LRBA: variants seen among roughly 807,000 people sequenced by gnomAD.
The protein encoded by LRBA is LPS responsive beige-like anchor protein, also known as lipopolysaccharide-responsive and beige-like anchor protein.
Under a neutral mutation model 330.0 loss-of-function variants are expected in LRBA, and 176 were observed. The ratio of observed to expected loss-of-function variants is 0.53; its 90% confidence interval spans 0.47 to 0.60. LRBA has a LOEUF of 0.60. Among genes scored for constraint, LRBA ranks in the 20% least tolerant of loss-of-function variants. LRBA has a pLI of 0.00. For synonymous variants in LRBA, 1,230 were observed against 1,193.0 expected, an observed-to-expected ratio of 1.03 and a Z score of -0.64; for missense variants, 3,259 against 3,444.8, an observed-to-expected ratio of 0.95 and a Z score of 1.35.
chr4:150,845,094 C>G (rs1749661196), intron 26 of LRBA, among the ~76,000 whole-genome samples: 1 of 152,064 alleles, frequency 6.6e-6, no homozygotes, highest in African/African-American at 2.4e-5. Flanking sequence ...CTCAACTAAG[C>G]TAGCTGGGAC....
chr4:150,322,492 A>C (rs1291997351), intron 49 of LRBA, among the ~76,000 whole-genome samples: 1 of 152,238 alleles, frequency 6.6e-6, no homozygotes, highest in Non-Finnish European at 1.5e-5. Flanking sequence ...TCCTTCTGCC[A>C]TATTTCAAAA....
At chr4:150,686,047 A>G (rs1783597733) in intron 36 of LRBA, among the ~76,000 whole-genome samples, 1 of 152,224 alleles carries the variant, frequency 6.6e-6, no homozygotes, top group Non-Finnish European at 1.5e-5. Context: ...AATAAAAACC[A>G]GGTTACGGTA....
chr4:150,777,550 C>T (rs540085350), intron 34 of LRBA, among the ~76,000 whole-genome samples: 1 of 151,980 alleles, frequency 6.6e-6, no homozygotes, highest in Admixed American at 6.6e-5. Flanking sequence ...ATGGATGTAC[C>T]TCCAATTACC....
At chr4:150,823,864 G>A (rs1745834348) in intron 30 of LRBA, among the ~76,000 whole-genome samples, 1 of 151,728 alleles carries the variant, frequency 6.6e-6, no homozygotes, top group Admixed American at 6.6e-5. Context: ...TAGCTCTGTA[G>A]TATAATTTGA....
At chr4:150,793,745 T>C (rs963318063) in intron 34 of LRBA, among the ~76,000 whole-genome samples, 1 of 152,146 alleles carries the variant, frequency 6.6e-6, no homozygotes, top group Non-Finnish European at 1.5e-5. Context: ...CGTAGAGTTG[T>C]AGGGAAGAGA....
At chr4:150,969,066 A>T (rs1739227341) in intron 2 of LRBA, among the ~76,000 whole-genome samples, 1 of 152,200 alleles carries the variant, frequency 6.6e-6, no homozygotes, top group Non-Finnish European at 1.5e-5. Context: ...GTTGAGACTC[A>T]CTGCTCGGAA....
At chr4:150,369,825 A>C (rs1204531684) in intron 47 of LRBA, among the ~76,000 whole-genome samples, 1 of 152,130 alleles carries the variant, frequency 6.6e-6, no homozygotes, top group Non-Finnish European at 1.5e-5. Flanking sequence ...ACTGTCCTCC[A>C]TGCCTTTATA....
chr4:150,784,194 C>A (rs1438761190), intron 34 of LRBA, among the ~76,000 whole-genome samples: 1 of 152,110 alleles, frequency 6.6e-6, no homozygotes, highest in African/African-American at 2.4e-5. Flanking sequence ...ATATCTATAG[C>A]CTCATATACT....
At chr4:150,904,677 A>G (rs1731122320) in intron 13 of LRBA, among the ~76,000 whole-genome samples, 1 of 152,160 alleles carries the variant, frequency 6.6e-6, no homozygotes. Flanking sequence ...AACAATCCTC[A>G]AAAAGAAGTA....
intron 51 of LRBA, among the ~76,000 whole-genome samples, chr4:150,312,382 A>G (rs552890012): frequency 7.9e-5 from 12 of 152,192 alleles, no homozygotes; most frequent in African/African-American, 2.6e-4. Flanking sequence ...CTCAACTTTA[A>G]TATATTCTAC....
At chr4:150,784,804 G>A (rs1010249832) in intron 34 of LRBA, among the ~76,000 whole-genome samples, 2 of 152,112 alleles carry the variant, frequency 1.3e-5, no homozygotes, top group Non-Finnish European at 2.9e-5. Context: ...AAACTGGCAT[G>A]AGGATCAAGA....
intron 31 of LRBA, among the ~76,000 whole-genome samples, chr4:150,815,043 G>T (rs1744355524): frequency 2.0e-5 from 3 of 151,786 alleles, no homozygotes; most frequent in Non-Finnish European, 4.4e-5. Context: ...CAATCAAAGG[G>T]TCCTATTTCC....
At position 150,960,376 on chromosome 4, in the gene LRBA, T is replaced by C. The variant is rs73859297; in HGVS notation, c.217-31311A>G. Among the ~76,000 whole-genome samples, 125 of 148,812 alleles carry C rather than the reference T, an allele frequency of 8.4e-4. 19 individuals carry two copies. The highest frequency in any genetic ancestry group is 3.2e-3 in the African/African-American group (123 of 38,344). On this transcript the variant is annotated intron_variant, in intron 2 of 56. Transcript: ENST00000651943. Reference sequence around the variant, plus strand: ...CACAAGAACATGTTAAACTACACCATGAATATGCACTTAACAAAATCCAGA... The same window carrying C: ...CACAAGAACATGTTAAACTACACCACGAATATGCACTTAACAAAATCCAGA...
chr4:150,435,684 T>A lies in LRBA; in HGVS notation c.6946A>T (p.Asn2316Tyr). ...RIEPFTTYFL[N>Y]LQGGKFDHAD... ...TGATCAAATTTGCCTCCTTGCAAAT[T>A]TAGGAAATAAGTTGTAAAGGGTTCC... Residue 2316 changes from asparagine to tyrosine, a missense_variant, in exon 46 of 57, where the codon AAT (asparagine) becomes TAT (tyrosine). Transcript: ENST00000651943. The A allele has an allele frequency of 6.2e-7, 1 of 1,611,264 alleles. No homozygotes were observed. The highest frequency in any genetic ancestry group is 8.5e-7 in the Non-Finnish European group (1 of 1,179,160).
intron 37 of LRBA, among the ~76,000 whole-genome samples, chr4:150,635,223 C>T (rs954506800): frequency 3.9e-5 from 6 of 152,096 alleles, no homozygotes; most frequent in African/African-American, 1.4e-4. Context: ...TCTTACAAAC[C>T]AGGAATATCA....
chr4:150,993,584 GAAGAAA>G (rs1742328498), intron 2 of LRBA, among the ~76,000 whole-genome samples: 1 of 152,130 alleles, frequency 6.6e-6, no homozygotes, highest in Non-Finnish European at 1.5e-5. Context: ...AAAAGACTGG[GAAGAAA>G]AAGAAGTTTA....
intron 32 of LRBA, among the ~76,000 whole-genome samples, chr4:150,806,934 T>C (rs892949193): frequency 6.6e-6 from 1 of 151,984 alleles, no homozygotes; most frequent in South Asian, 2.1e-4. Context: ...GAAAATAATA[T>C]ACTTTATAGG....
chr4:150,488,757 C>CAAA (rs35641885), intron 41 of LRBA, among the ~76,000 whole-genome samples: 2 of 144,632 alleles, frequency 1.4e-5, no homozygotes. Context: ...TATTTAAAGC[C>CAAA]AAAAAAAAAA....
chr4:150,319,574 A>T (rs560977504), intron 50 of LRBA, among the ~76,000 whole-genome samples: 1 of 152,210 alleles, frequency 6.6e-6, no homozygotes, highest in African/African-American at 2.4e-5. Flanking sequence ...CTGTAAGAGA[A>T]GTTTACTTAA....
Sources: allele counts gnomAD v4.1 joint callset (sites outside exome capture counted in the v4.1 genomes callset), GRCh38; gene constraint gnomAD v4.1.1; transcripts MANE v1.5; gene names NCBI Gene and HGNC (gene_info 2026-07-23, HGNC 2026-07-21).